COPB2: variants seen among roughly 807,000 people sequenced by gnomAD.
The protein encoded by COPB2 is coatomer subunit beta'.
COPB2 carries 16 observed loss-of-function variants against 120.8 expected under a neutral mutation model. The ratio of observed to expected loss-of-function variants is 0.13; its 90% CI spans 0.09 to 0.20. The LOEUF (loss-of-function observed/expected upper bound fraction) is 0.20. Ranked by LOEUF, COPB2 falls within the 10% of genes least tolerant of loss-of-function variation. The pLI is 1.00. For missense variants in COPB2, 794 were observed against 1,076.5 expected, an observed-to-expected ratio of 0.74 and a Z score of 3.67; for synonymous variants, 332 against 366.3, an observed-to-expected ratio of 0.91 and a Z score of 1.07.
chr3:139,366,465 GA>G, intron 15 of COPB2, 102 bp downstream of exon 15: 1 of 1,041,474 alleles, frequency 9.6e-7, no homozygotes, highest in Non-Finnish European at 1.4e-6. Context: ...ATTGCCACAG[GA>G]AATCAGTTGG....
chr3:139,388,626 G>GT (rs35109875), intron 1 of COPB2, among the ~76,000 whole-genome samples: 2,077 of 121,446 alleles, frequency 0.017, 42 homozygotes, highest in East Asian at 0.03. Context: ...TTCATAACAA[G>GT]TTTTTTTTTT....
intron 9 of COPB2, 127 bp downstream of exon 9, chr3:139,373,086 G>A: frequency 2.2e-6 from 2 of 892,922 alleles, no homozygotes; most frequent in South Asian, 1.5e-5. Context: ...TGAGGATTGT[G>A]AGGCCAGGGC....
intron 15 of COPB2, among the ~76,000 whole-genome samples, chr3:139,366,219 G>A (rs1016179947): frequency 2.6e-5 from 4 of 152,080 alleles, no homozygotes; most frequent in Non-Finnish European, 4.4e-5. Flanking sequence ...AAAAAGTCAT[G>A]TCATGGTACA....
chr3:139,379,556 G>T, intron 2 of COPB2, 90 bp from the exon 3 acceptor site: 1 of 1,034,020 alleles, frequency 9.7e-7, no homozygotes, highest in Non-Finnish European at 1.4e-6. Flanking sequence ...CAATTTTTAA[G>T]ATCACTTCTC....
rs992666164 is a variant in COPB2 at position 139,357,556 on chromosome 3, A to G, written c.*307T>C. 1.0e-4 allele frequency: 24 copies of G among 229,494 alleles called. No individual in the cohort carries two copies. The highest frequency in any genetic ancestry group is 4.9e-4 in the African/African-American group (22 of 44,618). The allele number at this position is 229,494 out of a possible 1,614,324, so 14.2% of individuals were successfully genotyped here. A position where few individuals can be genotyped will look rare whatever the true frequency, so the allele number is the denominator to read the frequency against. On this transcript the variant is annotated 3_prime_UTR_variant, in exon 22 of 22. Transcript: ENST00000333188. ...CTCAGCCTTCTAAAACTAGAAGCCTATTTTCATTATTGAGAAAGGAAACAA... is the reference window on the plus strand; with the variant it reads ...CTCAGCCTTCTAAAACTAGAAGCCTGTTTTCATTATTGAGAAAGGAAACAA...
At chr3:139,362,574 T>G in intron 15 of COPB2, 57 bp from the exon 16 acceptor site, 1 of 778,036 alleles carries the variant, frequency 1.3e-6, no homozygotes, top group Non-Finnish European at 2.0e-6. Context: ...TATGTATGTT[T>G]TATATATATA....
At position 139,378,982 on chromosome 3, in the gene COPB2, T is replaced by C. The variant is rs1213676963; in HGVS notation, c.355+65A>G. ...TTGTAACAGCAGTTAAAGCATAGCA[T>C]GTCTCAGTGAATGAAAATGAATTAC... On this transcript the variant is annotated intron_variant, in intron 4 of 21. Transcript: ENST00000333188. 6 of 1,472,874 alleles carry C rather than the reference T, an allele frequency of 4.1e-6. No homozygotes were observed. The Admixed American group carries it at 9.7e-5, about 24-fold the overall frequency. The allele number at this position is 1,472,874 out of a possible 1,614,324, so 91.2% of individuals were successfully genotyped here. A position where few individuals can be genotyped will look rare whatever the true frequency, so the allele number is the denominator to read the frequency against.
At chr3:139,374,352 T>C in intron 7 of COPB2, 137 bp downstream of exon 7, 1 of 658,358 alleles carries the variant, frequency 1.5e-6, no homozygotes, top group Non-Finnish European at 2.7e-6. Context: ...CTTTACTCTT[T>C]TATAGCTTAA....
Position 139,373,267 on chromosome 3 carries a change from T to C in COPB2, c.1040A>G (p.Asp347Gly). 6.2e-7 allele frequency: 1 copy of C among 1,614,124 alleles called. No individual in the cohort carries two copies. The highest frequency in any genetic ancestry group is 8.5e-7 in the Non-Finnish European group (1 of 1,179,994). ...AGGGTATATTTCACAACTGCCCATA[T>C]CCTTTACTGCCAGTGGCAATCTTTC... ...DGERLPLAVK[D>G]MGSCEIYPQT... Residue 347 changes from aspartate (D) to glycine (G), a missense_variant, in exon 9 of 22, where the codon GAT becomes GGT. Transcript: ENST00000333188.
In COPB2 at chr3:139,357,485, A is replaced by G. The variant is rs1373322746; in HGVS notation, c.*378T>C. On this transcript the variant is annotated 3_prime_UTR_variant, in exon 22 of 22. Transcript: ENST00000333188. Reference sequence around the variant, plus strand: ...TTTGAAAATGCAGATTTAGTTATACAAAGAAAAGACAGTGGGGCTGATCCC... The same window carrying G: ...TTTGAAAATGCAGATTTAGTTATACGAAGAAAAGACAGTGGGGCTGATCCC... The G allele has an allele frequency of 5.2e-6, 1 of 192,808 alleles. No individual in the cohort carries two copies. Among genetic ancestry groups the G allele is most frequent in the Non-Finnish European group, 1.1e-5 (1 of 95,050 alleles). The allele number at this position is 192,808 out of a possible 1,614,324, so 11.9% of individuals were successfully genotyped here.
At chr3:139,383,009 G>T in intron 2 of COPB2, 1 of 365,062 alleles carries the variant, frequency 2.7e-6, no homozygotes, top group Non-Finnish European at 5.0e-6. Flanking sequence ...AAATACTTTA[G>T]CAAGTGATTC....
chr3:139,363,399 T>C (rs7373142), intron 15 of COPB2, among the ~76,000 whole-genome samples: 113,873 of 152,048 alleles, frequency 0.75, 45,536 homozygotes, highest in East Asian at 0.94. Flanking sequence ...ATCTAGGTTC[T>C]GTGCTCTTTA....
intron 1 of COPB2, chr3:139,388,167 C>T (rs1239465724): frequency 6.6e-6 from 1 of 152,130 alleles, no homozygotes; most frequent in East Asian, 1.9e-4. Flanking sequence ...ACTGCAACCA[C>T]AGCAGACCCA....
Position 139,367,071 on chromosome 3 carries a change from C to T in COPB2, c.1620G>A (p.Val540=). 6.2e-7 allele frequency: 1 copy of T among 1,613,978 alleles called. No homozygotes were observed. Among genetic ancestry groups the T allele is most frequent in the Non-Finnish European group, 8.5e-7 (1 of 1,179,926 alleles). ...VGDCFIYTSS[V]NRLNYYVGGE... ...CTCCAACATAATAATTTAATCTGTT[C>T]ACAGAACTTGTGTAAATGAAGCAAT... Residue 540 remains valine, a synonymous_variant, in exon 14 of 22, where the codon GTG becomes GTA. Transcript: ENST00000333188.
intron 6 of COPB2, among the ~76,000 whole-genome samples, chr3:139,375,108 A>G (rs558114445): frequency 6.6e-6 from 1 of 152,308 alleles, no homozygotes; most frequent in Admixed American, 6.5e-5. Context: ...AGAATTCATA[A>G]CTAGGTTTAC....
Position 139,375,559 on chromosome 3 carries a change from C to G in COPB2, c.560G>C (p.Gly187Ala). 6.2e-7 allele frequency: 1 copy of G among 1,614,090 alleles called. No homozygotes were observed. Among genetic ancestry groups the G allele is most frequent in the Non-Finnish European group, 8.5e-7 (1 of 1,179,976 alleles). ...PNFTLEGHEKGVNCIDYYSGG... is the reference protein window; with the variant it reads ...PNFTLEGHEKAVNCIDYYSGG... ...ACTGTAGTAATCAATGCAATTCACG[C>G]CTTTCTCATGTCCTTCCAAAGTGAA... The change falls in exon 6 of 22, where the codon GGC becomes GCC. Residue 187 changes from glycine (G) to alanine (A), a missense_variant. Gly to Ala is a moderately conservative substitution (Grantham distance 60, BLOSUM62 0). Transcript: ENST00000333188.
chr3:139,377,967 A>G, intron 5 of COPB2, 74 bp downstream of exon 5: 2 of 1,338,336 alleles, frequency 1.5e-6, no homozygotes, highest in Non-Finnish European at 2.0e-6. Flanking sequence ...ATTTCTGACC[A>G]GTCAACAGTA....
intron 5 of COPB2, among the ~76,000 whole-genome samples, chr3:139,376,006 T>G (rs1027543388): frequency 2.0e-5 from 3 of 152,192 alleles, no homozygotes; most frequent in Admixed American, 2.0e-4. Context: ...CCCAGCACTT[T>G]AGGAGGCCGA....
intron 3 of COPB2, 95 bp downstream of exon 3, chr3:139,379,285 A>G: frequency 6.4e-7 from 1 of 1,563,392 alleles, no homozygotes; most frequent in Non-Finnish European, 8.8e-7. Context: ...TGCTGTAAAT[A>G]ACAAAACAAA....
Sources: allele counts gnomAD v4.1 joint callset (sites outside exome capture counted in the v4.1 genomes callset), GRCh38; gene constraint gnomAD v4.1.1; transcripts MANE v1.5; gene names NCBI Gene and HGNC (gene_info 2026-07-23, HGNC 2026-07-21).